C10orf90: variants seen among roughly 807,000 people sequenced by gnomAD.
C10orf90 encodes the protein chromosome 10 open reading frame 90.
A neutral mutation model predicts 62.5 loss-of-function variants in C10orf90; 56 were observed. That is an observed-to-expected ratio of 0.90 (90% CI 0.72 to 1.12). The LOEUF (loss-of-function observed/expected upper bound fraction) is 1.12, where lower values mean the gene tolerates loss of function less well. Among genes scored for constraint, C10orf90 ranks in the 50% most tolerant of loss-of-function variants. The pLI is 0.00. For missense variants in C10orf90, 970 were observed against 880.4 expected, an observed-to-expected ratio of 1.10 and a Z score of -1.29; for synonymous variants, 386 against 340.4, an observed-to-expected ratio of 1.13 and a Z score of -1.47.
chr10:126,664,707 G>A (rs1846590247), intron 1 of C10orf90, among the ~76,000 whole-genome samples: 1 of 152,168 alleles, frequency 6.6e-6, no homozygotes, highest in Admixed American at 6.5e-5. Context: ...AGCCTTAGCT[G>A]CCAATGCCCT....
chr10:126,447,018 T>C (rs186705576), intron 7 of C10orf90, among the ~76,000 whole-genome samples: 15 of 152,162 alleles, frequency 9.9e-5, no homozygotes, highest in Admixed American at 9.2e-4. Flanking sequence ...AAACCTATAG[T>C]GGATACACAG....
At chr10:126,560,481 T>C (rs1438292082) in intron 2 of C10orf90, among the ~76,000 whole-genome samples, 2 of 152,166 alleles carry the variant, frequency 1.3e-5, no homozygotes, top group Non-Finnish European at 2.9e-5. Context: ...GGAAGCCTCG[T>C]CACTGTGTCC....
chr10:126,590,573 G>A (rs1844958741), intron 2 of C10orf90, among the ~76,000 whole-genome samples: 1 of 152,148 alleles, frequency 6.6e-6, no homozygotes, highest in Admixed American at 6.5e-5. Context: ...TCAATAGCGT[G>A]CTCCTGAATG....
chr10:126,488,205 T>A (rs1025419986), intron 4 of C10orf90, among the ~76,000 whole-genome samples: 1 of 152,140 alleles, frequency 6.6e-6, no homozygotes, highest in Non-Finnish European at 1.5e-5. Flanking sequence ...TACAAATGTA[T>A]GATAATAACT....
rs1331931202 is a variant in C10orf90 at position 126,425,852 on chromosome 10, G to T, written c.*12C>A. On this transcript the variant is annotated 3_prime_UTR_variant, in exon 10 of 10. Transcript: ENST00000488181. The stretch of plus-strand genomic sequence containing the variant: ...CAGGTCCAGGTAGTGTGGTCAGCAG[G>T]GCAGCCTGTGGTTAGACCGCATTCC... 4 of 1,613,558 alleles carry T rather than the reference G, an allele frequency of 2.5e-6. No individual in the cohort carries two copies. Among genetic ancestry groups the T allele is most frequent in the African/African-American group, 1.3e-5 (1 of 74,912 alleles).
At chr10:126,435,498 A>C (rs1410097685) in intron 7 of C10orf90, among the ~76,000 whole-genome samples, 3 of 152,044 alleles carry the variant, frequency 2.0e-5, no homozygotes, top group African/African-American at 4.8e-5. Context: ...AAGGGTCTGC[A>C]CCCTTGGTGG....
chr10:126,597,161 A>T (rs948169925), intron 2 of C10orf90, among the ~76,000 whole-genome samples: 1 of 152,234 alleles, frequency 6.6e-6, no homozygotes, highest in African/African-American at 2.4e-5. Flanking sequence ...TATAAAGTTA[A>T]ATATATGTTT....
intron 2 of C10orf90, among the ~76,000 whole-genome samples, chr10:126,528,980 G>A (rs1327822262): frequency 6.6e-6 from 1 of 152,258 alleles, no homozygotes; most frequent in East Asian, 1.9e-4. Context: ...GAGAAGAAAG[G>A]TAGGTCATTG....
chr10:126,431,339 G>A (rs1392407892), intron 7 of C10orf90, among the ~76,000 whole-genome samples: 1 of 152,166 alleles, frequency 6.6e-6, no homozygotes, highest in African/African-American at 2.4e-5. Flanking sequence ...CTAAGGACAA[G>A]GAAATCTCCC....
Position 126,426,011 on chromosome 10 carries a change from G to A in C10orf90, c.2332C>T (p.Arg778Cys), listed in dbSNP as rs1333506506. The change falls in exon 9 of 10, where the codon CGT (arginine) becomes TGT (cysteine). Residue 778 changes from arginine (R) to cysteine (C), a missense_variant. By Grantham distance (180) the Arg-to-Cys change is radical. Coordinates refer to ENST00000488181, the MANE Select transcript of C10orf90 (RefSeq NM_001350921.2). ...KRVILQSNRL[R>C]AEVFKKQLLD... ...ATTACCTTTTTGAAGACTTCGGCAC[G>A]GAGTCTGTTACTTTGTAAGATCACC... The A allele has an allele frequency of 8.1e-6, 13 of 1,614,068 alleles. No individual in the cohort carries two copies. The highest frequency in any genetic ancestry group is 2.7e-5 in the African/African-American group (2 of 74,932).
rs914936367 is a variant in C10orf90 at position 126,456,347 on chromosome 10, T to C, written c.2188+2693A>G. Reference sequence around the variant, plus strand: ...ATAAATACGGCAGGGATGGTCAGGGTGGCCATAAAACCCACGTTGGCCAAG... The same window carrying C: ...ATAAATACGGCAGGGATGGTCAGGGCGGCCATAAAACCCACGTTGGCCAAG... On this transcript the variant is annotated intron_variant, in intron 7 of 9. Coordinates refer to ENST00000488181, the MANE Select transcript of C10orf90 (RefSeq NM_001350921.2). The surrounding 1 kb of genome is among the most constrained non-coding windows in gnomAD (Gnocchi z 4.9). Among the ~76,000 whole-genome samples the C allele has an allele frequency of 6.6e-6, 1 of 151,934 alleles. No individual in the cohort carries two copies. Among genetic ancestry groups the C allele is most frequent in the African/African-American group, 2.4e-5 (1 of 41,378 alleles).
intron 4 of C10orf90, among the ~76,000 whole-genome samples, chr10:126,477,551 G>A (rs1322352745): frequency 1.3e-5 from 2 of 151,964 alleles, no homozygotes; most frequent in African/African-American, 4.8e-5. Flanking sequence ...TGGTCTTTAG[G>A]TTGCATTTGC....
At chr10:126,507,289 G>A (rs1053352896) in intron 3 of C10orf90, among the ~76,000 whole-genome samples, 6 of 149,390 alleles carry the variant, frequency 4.0e-5, no homozygotes, top group South Asian at 2.1e-4. Context: ...CCCGAGAGAC[G>A]GAGCTTGCAG....
intron 7 of C10orf90, among the ~76,000 whole-genome samples, chr10:126,446,515 CA>C (rs1287468515): frequency 6.6e-6 from 1 of 151,892 alleles, no homozygotes; most frequent in African/African-American, 2.4e-5. Flanking sequence ...ATCTGTCAAC[CA>C]AAAATTCCTT....
chr10:126,633,081 G>A (rs922371371), intron 2 of C10orf90, among the ~76,000 whole-genome samples: 15 of 152,128 alleles, frequency 9.9e-5, no homozygotes, highest in African/African-American at 3.6e-4. Flanking sequence ...GGCACTTCTG[G>A]ATCTACATGG....
At chr10:126,502,991 A>G (rs1234652799) in intron 4 of C10orf90, among the ~76,000 whole-genome samples, 1 of 152,230 alleles carries the variant, frequency 6.6e-6, no homozygotes, top group African/African-American at 2.4e-5. Context: ...TAAATGTTTT[A>G]CAGTCATTTT....
At chr10:126,607,434 T>C (rs1196095583) in intron 2 of C10orf90, among the ~76,000 whole-genome samples, 2 of 152,192 alleles carry the variant, frequency 1.3e-5, no homozygotes, top group East Asian at 1.9e-4. Context: ...TTCTCAGGCA[T>C]GAGTATTTGG....
chr10:126,596,337 C>T (rs980104205), intron 2 of C10orf90, among the ~76,000 whole-genome samples: 1 of 150,606 alleles, frequency 6.6e-6, no homozygotes, highest in Non-Finnish European at 1.5e-5. Context: ...TTGGACTTTG[C>T]CAAAATTAAA....
At chr10:126,629,068 A>G (rs1845803378) in intron 2 of C10orf90, among the ~76,000 whole-genome samples, 1 of 152,184 alleles carries the variant, frequency 6.6e-6, no homozygotes, top group Non-Finnish European at 1.5e-5. Context: ...GATTCCAAAC[A>G]CAAGCCAGTG....
Sources: gnomAD v4.1 joint callset for allele counts (sites outside exome capture counted in the v4.1 genomes callset) on GRCh38, gnomAD v4.1.1 for gene constraint, Gnocchi (gnomAD v3.1) non-coding constraint, MANE v1.5 for transcripts, NCBI Gene and HGNC (gene_info 2026-07-23, HGNC 2026-07-21) for gene names.